Variants in STAB2 observed in about 807,000 individuals in gnomAD.
STAB2 encodes stabilin-2.
STAB2 carries 288 observed loss-of-function variants against 338.1 expected under a neutral mutation model. The observed-to-expected ratio is 0.85, with a 90% CI of 0.77 to 0.94. STAB2 has a LOEUF of 0.94. Ranked by LOEUF, STAB2 falls within the 40% of genes least tolerant of loss-of-function variation. The pLI, the probability that STAB2 is intolerant of heterozygous loss-of-function variation, is 0.00. For synonymous variants in STAB2, 1,202 were observed against 1,193.3 expected (o/e 1.01, Z -0.15); for missense variants, 3,141 against 3,210.1 (o/e 0.98, Z 0.52).
At chr12:103,680,293 C>T (rs1191110294) in intron 25 of STAB2, among the ~76,000 whole-genome samples, 1 of 152,006 alleles carries the variant, frequency 6.6e-6, no homozygotes, top group Non-Finnish European at 1.5e-5. Flanking sequence ...TTTTCTCATA[C>T]ATATATTTAC....
chr12:103,756,462 A>G (rs900567062), intron 63 of STAB2, among the ~76,000 whole-genome samples: 1 of 137,426 alleles, frequency 7.3e-6, no homozygotes, highest in Non-Finnish European at 1.7e-5. Flanking sequence ...AGCAGGTGGC[A>G]CATGACAGGT....
intron 45 of STAB2, 103 bp from the exon 46 acceptor site, chr12:103,726,013 G>A: frequency 7.5e-7 from 1 of 1,324,804 alleles, no homozygotes; most frequent in Non-Finnish European, 1.1e-6. Flanking sequence ...CGGTGTTACA[G>A]ATTTCCAGCT....
chr12:103,635,969 G>T (rs561096740), intron 6 of STAB2, among the ~76,000 whole-genome samples: 1 of 152,312 alleles, frequency 6.6e-6, no homozygotes, highest in East Asian at 1.9e-4. Flanking sequence ...GAGGGAAGAA[G>T]GTTATACGTT....
intron 42 of STAB2, among the ~76,000 whole-genome samples, chr12:103,714,188 A>C (rs1880115148): frequency 6.6e-6 from 1 of 152,194 alleles, no homozygotes; most frequent in Admixed American, 6.5e-5. Flanking sequence ...CTCAGGATAT[A>C]CAGCATTTAC....
At position 103,677,569 on chromosome 12, in the gene STAB2, C is replaced by T. The variant is rs771528200; in HGVS notation, c.2763C>T (p.Gly921=). 40 of 1,613,938 alleles carry T rather than the reference C, an allele frequency of 2.5e-5. No homozygotes were observed. Among genetic ancestry groups the T allele is most frequent in the Non-Finnish European group, 3.2e-5 (38 of 1,179,906 alleles). The part of the protein sequence containing the change: ...INNCLLPSAG[G]CHDNASCLYV... ...ACTGCCTGCTGCCCAGTGCAGGCGGCTGCCACGACAACGCATCCTGTTTGT... is the reference window on the plus strand; with the variant it reads ...ACTGCCTGCTGCCCAGTGCAGGCGGTTGCCACGACAACGCATCCTGTTTGT... The change falls in exon 25 of 69, where the codon GGC becomes GGT. Residue 921 remains glycine (G), a synonymous_variant. Coordinates refer to ENST00000388887, the MANE Select transcript of STAB2 (RefSeq NM_017564.10).
intron 19 of STAB2, among the ~76,000 whole-genome samples, chr12:103,666,560 G>A (rs556556972): frequency 5.3e-5 from 8 of 152,326 alleles, no homozygotes; most frequent in South Asian, 2.1e-4. Context: ...TAGAGAAGTC[G>A]TTTAACCCTT....
chr12:103,626,981 T>A (rs1957390337), intron 5 of STAB2, among the ~76,000 whole-genome samples: 1 of 152,218 alleles, frequency 6.6e-6, no homozygotes, highest in Admixed American at 6.5e-5. Context: ...CACAACCATG[T>A]ACTGTTAAGA....
At chr12:103,755,022 A>G in intron 61 of STAB2, 1 of 403,972 alleles carries the variant, frequency 2.5e-6, no homozygotes, top group South Asian at 4.5e-5. Flanking sequence ...ACCTAGTATC[A>G]ATGGATGACA....
chr12:103,685,837 C>T (rs970569970), intron 27 of STAB2, among the ~76,000 whole-genome samples: 3 of 151,774 alleles, frequency 2.0e-5, no homozygotes, highest in African/African-American at 7.3e-5. Context: ...TATAATTTAC[C>T]ATCTTTACCA....
Position 103,711,464 on chromosome 12 carries a change from T to C in STAB2, c.4289-7T>C, listed in dbSNP as rs559653903. The C allele has an allele frequency of 2.5e-5, 40 of 1,614,072 alleles. No individual in the cohort carries two copies. The highest frequency in any genetic ancestry group is 1.3e-4 in the African/African-American group (10 of 75,030). On this transcript the variant is annotated splice_region_variant and splice_polypyrimidine_tract_variant and intron_variant, in intron 39 of 68. Transcript: ENST00000388887. The stretch of plus-strand genomic sequence containing the variant: ...GGGCTAAGACAGCAACTGGTTCTCT[T>C]TTTCAGCAACCACAGAAGACAACTG...
chr12:103,675,853 A>G (rs1593219437), intron 23 of STAB2, 75 bp from the exon 24 acceptor site: 1 of 1,222,650 alleles, frequency 8.2e-7, no homozygotes, highest in Non-Finnish European at 1.2e-6. Flanking sequence ...GAACTGGCTC[A>G]TCTCTAGCTG....
chr12:103,762,297 A>C lies in STAB2; in HGVS notation c.7383A>C (p.Gly2461=). The C allele has an allele frequency of 1.2e-6, 2 of 1,614,114 alleles. No homozygotes were observed. Among genetic ancestry groups the C allele is most frequent in the Non-Finnish European group, 1.7e-6 (2 of 1,180,002 alleles). Residue 2461 remains glycine, a synonymous_variant, in exon 67 of 69, where the codon GGA becomes GGC. Transcript: ENST00000388887. ...APVTLTHTGL[G]AGIFFAIILV... ...AGACCTTGACCCACACTGGCTTGGG[A>C]GCAGGGATCTTCTTTGCCATCATCC...
Position 103,602,937 on chromosome 12 carries a change from G to C in STAB2, c.331+8427G>C, listed in dbSNP as rs144444458. On this transcript the variant is annotated intron_variant, in intron 3 of 68. Coordinates refer to ENST00000388887, the MANE Select transcript of STAB2 (RefSeq NM_017564.10). ...CATGCTTTTATAGATACTGCTTCTT[G>C]TATCATATCTAGAAATCTTTGACCA... Among the ~76,000 whole-genome samples, 898 of 152,120 alleles carry C rather than the reference G, an allele frequency of 5.9e-3. 16 individuals carry two copies. Among genetic ancestry groups the C allele is most frequent in the African/African-American group, 0.021 (864 of 41,486 alleles).
intron 11 of STAB2, among the ~76,000 whole-genome samples, chr12:103,651,339 A>T (rs1593183427): frequency 8.0e-6 from 1 of 124,406 alleles, no homozygotes; most frequent in Non-Finnish European, 1.6e-5. Flanking sequence ...TTTGAGACGG[A>T]GCCTTGCTCT....
intron 30 of STAB2, 128 bp from the exon 31 acceptor site, chr12:103,692,684 T>C: frequency 1.5e-6 from 1 of 658,932 alleles, no homozygotes; most frequent in Non-Finnish European, 2.6e-6. Context: ...AAGGTATTTC[T>C]TACTGTGGGT....
chr12:103,758,977 C>G (rs1884340838), intron 64 of STAB2, among the ~76,000 whole-genome samples, 156 bp from the exon 65 acceptor site: 1 of 152,208 alleles, frequency 6.6e-6, no homozygotes, highest in African/African-American at 2.4e-5. Context: ...CCCAGACAAC[C>G]AGAAGCCTAA....
At chr12:103,607,331 A>C (rs966448100) in intron 3 of STAB2, among the ~76,000 whole-genome samples, 2 of 150,736 alleles carry the variant, frequency 1.3e-5, no homozygotes, top group Admixed American at 1.3e-4. Context: ...TGGTCTGCTC[A>C]TTATCTTTCA....
In STAB2 at chr12:103,648,760, G is replaced by T; in HGVS notation, c.1111G>T (p.Glu371Ter). 1.2e-6 allele frequency: 2 copies of T among 1,614,162 alleles called. No homozygotes were observed. The highest frequency in any genetic ancestry group is 1.1e-5 in the South Asian group (1 of 91,082). The change falls in exon 10 of 69, where the codon GAA (glutamate) becomes TAA (stop). Residue 371 changes from glutamate to a stop codon, truncating the protein, a stop_gained. Coordinates refer to ENST00000388887, the MANE Select transcript of STAB2 (RefSeq NM_017564.10). LOFTEE classifies it high-confidence loss of function. ...CYGNIMERLRELNTEPRGKWQ... is the reference protein window; with the variant it reads ...CYGNIMERLR ...TGGAAACATTATGGAGCGACTCAGAGAATTAAATACTGAACCCAGAGGAAA... is the reference window on the plus strand; with the variant it reads ...TGGAAACATTATGGAGCGACTCAGATAATTAAATACTGAACCCAGAGGAAA...
chr12:103,649,853 C>T (rs1177282940), intron 10 of STAB2, among the ~76,000 whole-genome samples: 3 of 151,918 alleles, frequency 2.0e-5, no homozygotes, highest in Non-Finnish European at 4.4e-5. Context: ...TTTTTGCAGA[C>T]CAGGCCCTCC....
Sources: allele counts gnomAD v4.1 joint callset (sites outside exome capture counted in the v4.1 genomes callset), GRCh38; gene constraint gnomAD v4.1.1; transcripts MANE v1.5; gene names NCBI Gene and HGNC (gene_info 2026-07-23, HGNC 2026-07-21).